CADM2: variants seen among roughly 807,000 people sequenced by gnomAD.
CADM2 encodes the protein cell adhesion molecule 2.
Under a neutral mutation model 49.8 loss-of-function variants are expected in CADM2, and 12 were observed. The ratio of observed to expected loss-of-function variants is 0.24; its 90% CI spans 0.15 to 0.39. The LOEUF (loss-of-function observed/expected upper bound fraction) is 0.39. Among genes scored for constraint, CADM2 ranks in the 10% least tolerant of loss-of-function variants. CADM2 has a pLI of 1.00. For synonymous variants in CADM2, 214 were observed against 175.4 expected (o/e 1.22, Z -1.74); for missense variants, 378 against 492.3 (o/e 0.77, Z 2.20).
At chr3:85,619,551 C>T (rs931254259) in intron 1 of CADM2, among the ~76,000 whole-genome samples, 5 of 152,102 alleles carry the variant, frequency 3.3e-5, no homozygotes, top group Admixed American at 2.6e-4. Context: ...TTGAATTCAG[C>T]TTGGGTCTTT....
intron 1 of CADM2, among the ~76,000 whole-genome samples, chr3:84,971,030 T>C (rs964352423): frequency 2.0e-5 from 3 of 152,108 alleles, no homozygotes; most frequent in Admixed American, 1.3e-4. Flanking sequence ...TTTTTTTGTG[T>C]GTAGCCACAT....
intron 3 of CADM2, among the ~76,000 whole-genome samples, chr3:85,828,413 T>A (rs2074025155): frequency 6.6e-6 from 1 of 151,928 alleles, no homozygotes; most frequent in African/African-American, 2.4e-5. Context: ...GAACACCATA[T>A]GGGAGAAAAG....
intron 1 of CADM2, among the ~76,000 whole-genome samples, chr3:85,219,161 G>A (rs558732740): frequency 6.6e-6 from 1 of 152,156 alleles, no homozygotes; most frequent in Non-Finnish European, 1.5e-5. Context: ...AATACAAAAA[G>A]AATAGTATGA....
At chr3:85,969,731 A>G (rs554887211) in intron 8 of CADM2, among the ~76,000 whole-genome samples, 36 of 151,302 alleles carry the variant, frequency 2.4e-4, no homozygotes, top group Admixed American at 1.2e-3. Flanking sequence ...TATTTTATGC[A>G]TCTTATTTAT....
intron 1 of CADM2, among the ~76,000 whole-genome samples, chr3:85,719,700 G>T (rs1445458744): frequency 6.6e-6 from 1 of 151,390 alleles, no homozygotes; most frequent in Non-Finnish European, 1.5e-5. Context: ...GGATGGCAGA[G>T]GCAGGAGAAA....
chr3:85,511,432 T>C (rs181417185), intron 1 of CADM2, among the ~76,000 whole-genome samples: 42 of 152,178 alleles, frequency 2.8e-4, no homozygotes, highest in African/African-American at 9.9e-4. Context: ...CAGACCTGTT[T>C]TTTAAAATTT....
intron 1 of CADM2, among the ~76,000 whole-genome samples, chr3:85,157,050 C>A (rs1284858689): frequency 6.6e-6 from 1 of 152,046 alleles, no homozygotes; most frequent in Non-Finnish European, 1.5e-5. Flanking sequence ...CAACAACAGA[C>A]AAACAGAGAG....
At chr3:85,984,411 A>G in intron 8 of CADM2, among the ~76,000 whole-genome samples, 1 of 151,606 alleles carries the variant, frequency 6.6e-6, no homozygotes, top group East Asian at 1.9e-4. Context: ...AGTAATCTTT[A>G]GTAGCATCCT....
chr3:85,269,895 C>T (rs541674314), intron 1 of CADM2, among the ~76,000 whole-genome samples: 69 of 151,316 alleles, frequency 4.6e-4, no homozygotes, highest in African/African-American at 1.5e-3. Context: ...GCTTCAAAAT[C>T]GTACTAGATG....
intron 2 of CADM2, among the ~76,000 whole-genome samples, chr3:85,754,608 T>C (rs2069015455): frequency 6.6e-6 from 1 of 152,188 alleles, no homozygotes; most frequent in Non-Finnish European, 1.5e-5. Flanking sequence ...TGCACTTTGT[T>C]TGATTTGCCA....
At chr3:85,917,934 T>C (rs1718582564) in intron 6 of CADM2, among the ~76,000 whole-genome samples, 3 of 152,210 alleles carry the variant, frequency 2.0e-5, no homozygotes, top group African/African-American at 7.2e-5. Context: ...GAAGCAATTG[T>C]GAATTGGAGT....
At chr3:85,906,698 CT>C (rs1311303604) in intron 5 of CADM2, among the ~76,000 whole-genome samples, 1 of 152,108 alleles carries the variant, frequency 6.6e-6, no homozygotes, top group Non-Finnish European at 1.5e-5. Flanking sequence ...TGTTTGAATT[CT>C]TTTTCAGTGC....
At chr3:85,761,212 G>A (rs944673666) in intron 2 of CADM2, among the ~76,000 whole-genome samples, 3 of 151,830 alleles carry the variant, frequency 2.0e-5, no homozygotes, top group African/African-American at 7.3e-5. Context: ...AAATAGGGAT[G>A]GAAACCCGTT....
chr3:85,448,975 G>A (rs551929173), intron 1 of CADM2, among the ~76,000 whole-genome samples: 213 of 150,880 alleles, frequency 1.4e-3, no homozygotes, highest in African/African-American at 4.9e-3. Flanking sequence ...GCTTGAACCC[G>A]GGAGGCGGAA....
chr3:85,580,078 T>A (rs1334729170), intron 1 of CADM2, among the ~76,000 whole-genome samples: 1 of 152,174 alleles, frequency 6.6e-6, no homozygotes, highest in Non-Finnish European at 1.5e-5. Flanking sequence ...TGGCAAGAAA[T>A]CATTTACATA....
At chr3:85,847,355 A>T (rs2074926612) in intron 3 of CADM2, among the ~76,000 whole-genome samples, 1 of 152,192 alleles carries the variant, frequency 6.6e-6, no homozygotes, top group Non-Finnish European at 1.5e-5. Context: ...CACCATAGTG[A>T]TCTAGGTAAG....
chr3:86,049,758 A>T (rs1737128631), intron 8 of CADM2, among the ~76,000 whole-genome samples: 1 of 151,940 alleles, frequency 6.6e-6, no homozygotes, highest in South Asian at 2.1e-4. Context: ...ACCAGATCTC[A>T]TGAGAACTCA....
chr3:85,354,453 T>A (rs1374987976), intron 1 of CADM2, among the ~76,000 whole-genome samples: 3 of 151,316 alleles, frequency 2.0e-5, no homozygotes, highest in African/African-American at 7.3e-5. Flanking sequence ...TGTATACATA[T>A]GTAACAAACC....
At chr3:85,118,804 C>G (rs2038740075) in intron 1 of CADM2, among the ~76,000 whole-genome samples, 1 of 152,174 alleles carries the variant, frequency 6.6e-6, no homozygotes, top group Non-Finnish European at 1.5e-5. Context: ...GGCTGGAGTG[C>G]AATGGCGCGA....
Sources: allele counts gnomAD v4.1 joint callset (sites outside exome capture counted in the v4.1 genomes callset), GRCh38; gene constraint gnomAD v4.1.1; transcripts MANE v1.5; gene names NCBI Gene and HGNC (gene_info 2026-07-23, HGNC 2026-07-21).